MYC: variants seen among roughly 807,000 people sequenced by gnomAD.
MYC encodes myc proto-oncogene protein.
In MYC, 1 loss-of-function variant was observed where a neutral mutation model predicts 30.5. The ratio of observed to expected loss-of-function variants is 0.03; its 90% CI spans 0.01 to 0.16. The LOEUF is 0.16. Ranked by LOEUF, MYC falls within the 10% of genes least tolerant of loss-of-function variation. The probability of loss-of-function intolerance (pLI) is 1.00; values close to 1 mark genes in which losing one functional copy is unlikely to be tolerated. For missense variants in MYC, 508 were observed against 589.0 expected (o/e 0.86, Z 1.42); for synonymous variants, 267 against 250.7 (o/e 1.07, Z -0.62).
rs1041258616 is a variant in MYC, at chr8:127,738,876, C to G, written c.659C>G (p.Pro220Arg). 3 of 1,612,372 alleles carry G rather than the reference C, an allele frequency of 1.9e-6. No homozygotes were observed. The highest frequency in any genetic ancestry group is 2.5e-6 in the Non-Finnish European group (3 of 1,180,018). ...TACCCTCTCAACGACAGCAGCTCGC[C>G]CAAGTCCTGCGCCTCGCAAGACTCC... The change falls in exon 2 of 3, where the codon CCC becomes CGC. Residue 220 changes from proline (P) to arginine (R), a missense_variant. Transcript: ENST00000621592. This position sits in a 1 kb window ranked among gnomAD's most constrained non-coding sequence, Gnocchi z 7.6.
In MYC at chr8:127,742,832, G is replaced by A. The variant is rs981232062; in HGVS notation, c.*1874G>A. Among the ~76,000 whole-genome samples the A allele has an allele frequency of 6.6e-6, 1 of 152,168 alleles. No homozygotes were observed. The highest frequency in any genetic ancestry group is 6.5e-5 in the Admixed American group (1 of 15,286). ...ATGTTGATTATATAGGTAAATGAAG[G>A]ATGCTATTGCTGTTCTAATTACCTC... On this transcript the variant is annotated 3_prime_UTR_variant, in exon 3 of 3. Coordinates refer to ENST00000621592, the MANE Select transcript of MYC (RefSeq NM_002467.6).
Position 127,738,815 on chromosome 8 carries a change from G to A in MYC, c.598G>A (p.Ala200Thr), listed in dbSNP as rs1474679499. 1 of 1,609,140 alleles carries A rather than the reference G, an allele frequency of 6.2e-7. No individual in the cohort carries two copies. Among genetic ancestry groups the A allele is most frequent in the South Asian group, 1.1e-5 (1 of 90,726 alleles). Residue 200 changes from alanine to threonine, a missense_variant, in exon 2 of 3, where the codon GCC becomes ACC. By Grantham distance (58) the Ala-to-Thr change is moderately conservative (BLOSUM62 0). Coordinates refer to ENST00000621592, the MANE Select transcript of MYC (RefSeq NM_002467.6). The surrounding 1 kb of genome is among the most constrained non-coding windows in gnomAD (Gnocchi z 7.6). ...GTACCTGCAGGATCTGAGCGCCGCC[G>A]CCTCAGAGTGCATCGACCCCTCGGT...
rs2130096289 is a variant in MYC at position 127,738,763 on chromosome 8, C to G, written c.546C>G (p.Gly182=). 3 of 1,611,080 alleles carry G rather than the reference C, an allele frequency of 1.9e-6. No individual in the cohort carries two copies. The highest frequency in any genetic ancestry group is 2.5e-6 in the Non-Finnish European group (3 of 1,178,322). Residue 182 remains glycine (G), a synonymous_variant, in exon 2 of 3, where the codon GGC becomes GGG. Transcript: ENST00000621592. The surrounding 1 kb of genome is among the most constrained non-coding windows in gnomAD (Gnocchi z 7.6). ...GCGGCAGCCCGAACCCCGCCCGCGGCCACAGCGTCTGCTCCACCTCCAGCT... is the reference window on the plus strand; with the variant it reads ...GCGGCAGCCCGAACCCCGCCCGCGGGCACAGCGTCTGCTCCACCTCCAGCT...
chr8:127,737,180 G>A lies in MYC; in HGVS notation c.30+557G>A, dbSNP rs1434812098. Among the ~76,000 whole-genome samples, 3 of 152,262 alleles carry A rather than the reference G, an allele frequency of 2.0e-5. No individual in the cohort carries two copies. The East Asian group carries it at 5.8e-4, about 29-fold the overall frequency. On this transcript the variant is annotated intron_variant, in intron 1 of 2. Transcript: ENST00000621592. ...CCTGTCCCCGCGGCGATTCCAACCC[G>A]CCCTGATCCTTTTAAGAAGTTGGCA...
In MYC at chr8:127,742,706, C is replaced by A. The variant is rs951619162; in HGVS notation, c.*1748C>A. Among the ~76,000 whole-genome samples the A allele has an allele frequency of 2.6e-5, 4 of 152,178 alleles. No homozygotes were observed. The highest frequency in any genetic ancestry group is 9.7e-5 in the African/African-American group (4 of 41,438). On this transcript the variant is annotated 3_prime_UTR_variant, in exon 3 of 3. Coordinates refer to ENST00000621592, the MANE Select transcript of MYC (RefSeq NM_002467.6). ...CTCTCCTTGCTTCCATCCTTTTTTACATACTCATGACACATGCTCATCCTG... is the reference window on the plus strand; with the variant it reads ...CTCTCCTTGCTTCCATCCTTTTTTAAATACTCATGACACATGCTCATCCTG...
Position 127,736,450 on chromosome 8 carries a change from G to T in MYC, c.-144G>T. On this transcript the variant is annotated 5_prime_UTR_variant, in exon 1 of 3. Transcript: ENST00000621592. ...GAAACTTTGCCCATAGCAGCGGGCG[G>T]GCACTTTGCACTGGAACTTACAACA... 1.2e-6 allele frequency: 1 copy of T among 838,908 alleles called. No homozygotes were observed. Among genetic ancestry groups the T allele is most frequent in the Non-Finnish European group, 1.9e-6 (1 of 530,402 alleles). The allele number at this position is 838,908 out of a possible 1,614,324, so 52.0% of individuals were successfully genotyped here.
Position 127,738,932 on chromosome 8 carries a change from C to T in MYC, c.715C>T (p.Leu239Phe), listed in dbSNP as rs765003654. The T allele has an allele frequency of 6.2e-7, 1 of 1,605,592 alleles. No homozygotes were observed. Among genetic ancestry groups the T allele is most frequent in the East Asian group, 2.2e-5 (1 of 44,874 alleles). The change falls in exon 2 of 3, where the codon CTC (leucine) becomes TTC (phenylalanine). Residue 239 changes from leucine to phenylalanine, a missense_variant. Physicochemically the swap from Leu to Phe is conservative, Grantham distance 22. Transcript: ENST00000621592. This position sits in a 1 kb window ranked among gnomAD's most constrained non-coding sequence, Gnocchi z 7.6. ...CTTCTCTCCGTCCTCGGATTCTCTG[C>T]TCTCCTCGACGGAGTCCTCCCCGCA...
In MYC at chr8:127,740,460, C is replaced by A; in HGVS notation, c.867C>A (p.Gly289=). The change falls in exon 3 of 3, where the codon GGC becomes GGA. Residue 289 remains glycine (G), a synonymous_variant. Transcript: ENST00000621592. ...CTGTGGAAAAGAGGCAGGCTCCTGG[C>A]AAAAGGTCAGAGTCTGGATCACCTT... 6.2e-7 allele frequency: 1 copy of A among 1,614,022 alleles called. No homozygotes were observed. The highest frequency in any genetic ancestry group is 8.5e-7 in the Non-Finnish European group (1 of 1,179,998).
In MYC at chr8:127,741,438, G is replaced by A; in HGVS notation, c.*480G>A. On this transcript the variant is annotated 3_prime_UTR_variant, in exon 3 of 3. Coordinates refer to ENST00000621592, the MANE Select transcript of MYC (RefSeq NM_002467.6). ...ATATCATTGAGCCAAATCTTAAGTT[G>A]TGAATGTTTTGTTTCGTTTCTTCCC... 1 of 218,952 alleles carries A rather than the reference G, an allele frequency of 4.6e-6. No individual in the cohort carries two copies. The highest frequency in any genetic ancestry group is 2.2e-5 in the African/African-American group (1 of 44,824). The allele number at this position is 218,952 out of a possible 1,614,324, so 13.6% of individuals were successfully genotyped here. A position where few individuals can be genotyped will look rare whatever the true frequency, so the allele number is the denominator to read the frequency against.
Position 127,738,602 on chromosome 8 carries a change from A to G in MYC, c.385A>G (p.Ser129Gly). ...GCTGGGAGGAGACATGGTGAACCAG[A>G]GTTTCATCTGCGACCCGGACGACGA... Residue 129 changes from serine to glycine, a missense_variant, in exon 2 of 3, where the codon AGT (serine) becomes GGT (glycine). Physicochemically the swap from Ser to Gly is moderately conservative, Grantham distance 56. Coordinates refer to ENST00000621592, the MANE Select transcript of MYC (RefSeq NM_002467.6). The surrounding 1 kb of genome is among the most constrained non-coding windows in gnomAD (Gnocchi z 7.6). The G allele has an allele frequency of 6.2e-7, 1 of 1,613,124 alleles. No homozygotes were observed. The highest frequency in any genetic ancestry group is 8.5e-7 in the Non-Finnish European group (1 of 1,179,330).
In MYC at chr8:127,742,180, C is replaced by T. The variant is rs930070349; in HGVS notation, c.*1222C>T. Among the ~76,000 whole-genome samples the T allele has an allele frequency of 3.2e-4, 48 of 152,348 alleles. No homozygotes were observed. Among genetic ancestry groups the T allele is most frequent in the African/African-American group, 1.2e-3 (48 of 41,568 alleles). Reference sequence around the variant, plus strand: ...AGCTCTATTTGTGTCCCAAGCACTCCTAAGCATTTTATCCCTAACTCTACA... The same window carrying T: ...AGCTCTATTTGTGTCCCAAGCACTCTTAAGCATTTTATCCCTAACTCTACA... On this transcript the variant is annotated 3_prime_UTR_variant, in exon 3 of 3. Coordinates refer to ENST00000621592, the MANE Select transcript of MYC (RefSeq NM_002467.6).
chr8:127,736,156 T>G (rs1813583198), upstream of MYC: 1 of 459,094 alleles, frequency 2.2e-6, no homozygotes. Flanking sequence ...GCAGGGCTTC[T>G]CAGAGGCTTG....
In MYC at chr8:127,742,471, G is replaced by A. The variant is rs1158284340; in HGVS notation, c.*1513G>A. ...AACATCTAAGCCTGGTCAGGCATCA[G>A]TTCCCCTTTTTTTGTGATTTATTTT... On this transcript the variant is annotated 3_prime_UTR_variant, in exon 3 of 3. Transcript: ENST00000621592. Among the ~76,000 whole-genome samples, 2 of 152,162 alleles carry A rather than the reference G, an allele frequency of 1.3e-5. No individual in the cohort carries two copies. Among genetic ancestry groups the A allele is most frequent in the East Asian group, 3.9e-4 (2 of 5,192 alleles).
chr8:127,736,530 G>A lies in MYC; in HGVS notation c.-64G>A. 6.3e-7 allele frequency: 1 copy of A among 1,589,056 alleles called. No homozygotes were observed. Among genetic ancestry groups the A allele is most frequent in the South Asian group, 1.1e-5 (1 of 90,216 alleles). On this transcript the variant is annotated 5_prime_UTR_variant, in exon 1 of 3. Coordinates refer to ENST00000621592, the MANE Select transcript of MYC (RefSeq NM_002467.6). ...GGGGAGGCTATTCTGCCCATTTGGG[G>A]ACACTTCCCCGCCGCTGCCAGGACC...
chr8:127,738,113 A>T lies in MYC; in HGVS notation c.31-135A>T, dbSNP rs2130091278. On this transcript the variant is annotated intron_variant, in intron 1 of 2. Coordinates refer to ENST00000621592, the MANE Select transcript of MYC (RefSeq NM_002467.6). The surrounding 1 kb of genome is among the most constrained non-coding windows in gnomAD (Gnocchi z 7.6). The stretch of plus-strand genomic sequence containing the variant: ...CTCCCTTTATTCCCCCACCAAGACC[A>T]CCCAGCCGCTTTAGGGGATAGCTCT... 1 of 1,088,854 alleles carries T rather than the reference A, an allele frequency of 9.2e-7. No individual in the cohort carries two copies. The highest frequency in any genetic ancestry group is 1.3e-6 in the Non-Finnish European group (1 of 775,666). 67.4% of individuals were successfully genotyped at this position (1,088,854 alleles called of 1,614,324 possible). A position where few individuals can be genotyped will look rare whatever the true frequency, so the allele number is the denominator to read the frequency against.
chr8:127,737,800 G>A (rs1813624995), intron 1 of MYC, among the ~76,000 whole-genome samples: 1 of 152,152 alleles, frequency 6.6e-6, no homozygotes, highest in South Asian at 2.1e-4. Flanking sequence ...CCCCGGCGCG[G>A]AGCGGGGTTC....
Position 127,738,243 on chromosome 8 carries a change from T to C in MYC, c.31-5T>C, listed in dbSNP as rs1295721503. 2 of 1,576,358 alleles carry C rather than the reference T, an allele frequency of 1.3e-6. No individual in the cohort carries two copies. The highest frequency in any genetic ancestry group is 8.6e-7 in the Non-Finnish European group (1 of 1,157,470). ...CTGCCTCCCGCTTTGTGTGCCCCGCTCCAGCAGCCTCCCGCGACGATGCCC... is the reference window on the plus strand; with the variant it reads ...CTGCCTCCCGCTTTGTGTGCCCCGCCCCAGCAGCCTCCCGCGACGATGCCC... On this transcript the variant is annotated splice_polypyrimidine_tract_variant and splice_region_variant and intron_variant, in intron 1 of 2. Transcript: ENST00000621592. This position sits in a 1 kb window ranked among gnomAD's most constrained non-coding sequence, Gnocchi z 7.6.
chr8:127,736,607 G>C lies in MYC; in HGVS notation c.14G>C (p.Arg5Pro), dbSNP rs747141352. 1 of 1,614,044 alleles carries C rather than the reference G, an allele frequency of 6.2e-7. No individual in the cohort carries two copies. The highest frequency in any genetic ancestry group is 8.5e-7 in the Non-Finnish European group (1 of 1,180,030). Residue 5 changes from arginine (R) to proline (P), a missense_variant, in exon 1 of 3, where the codon CGG (arginine) becomes CCG (proline). Around this residue, in one of 5 missense-constraint regions of MYC, gnomAD observed 70 missense variants for 84.5 expected, o/e 0.83. Coordinates refer to ENST00000621592, the MANE Select transcript of MYC (RefSeq NM_002467.6). ...GCTGCTTAGACGCTGGATTTTTTTC[G>C]GGTAGTGGAAAACCAGGTAAGCACC...
chr8:127,736,054 G>A, upstream of MYC: 1 of 403,160 alleles, frequency 2.5e-6, no homozygotes, highest in Non-Finnish European at 4.4e-6. Context: ...TAATGCGAGG[G>A]TCTGGACGGC....
Sources: gnomAD v4.1 joint callset for allele counts (sites outside exome capture counted in the v4.1 genomes callset) on GRCh38, gnomAD v4.1.1 for gene constraint, gnomAD v4.1.1 regional missense constraint, Gnocchi (gnomAD v3.1) non-coding constraint, MANE v1.5 for transcripts, NCBI Gene and HGNC (gene_info 2026-07-23, HGNC 2026-07-21) for gene names.